The following PPP1R3C variants were observed in gnomAD, a reference collection of about 807,000 sequenced individuals.
PPP1R3C encodes the protein PP1 subunit R5.
In PPP1R3C, 20 loss-of-function variants were observed where a neutral mutation model predicts 29.3. The observed-to-expected ratio is 0.68, with a 90% CI of 0.48 to 0.99. PPP1R3C has a LOEUF of 0.99. Among genes scored for constraint, PPP1R3C ranks in the 50% least tolerant of loss-of-function variants. PPP1R3C has a pLI of 0.00. For synonymous variants in PPP1R3C, 123 were observed against 143.1 expected, an observed-to-expected ratio of 0.86 and a Z score of 1.00; for missense variants, 321 against 386.0, an observed-to-expected ratio of 0.83 and a Z score of 1.41.
rs1199178061 is a variant in PPP1R3C at position 91,629,194 on chromosome 10, A to G, written c.*733T>C. 6.6e-6 allele frequency: 1 copy of G among 152,266 alleles called. No homozygotes were observed. The highest frequency in any genetic ancestry group is 1.5e-5 in the Non-Finnish European group (1 of 68,092). 9.4% of individuals were successfully genotyped at this position (152,266 alleles called of 1,614,324 possible). On this transcript the variant is annotated 3_prime_UTR_variant, in exon 2 of 2. Transcript: ENST00000238994. ...ACCAAGCATTCTATAACAAGAACCC[A>G]AGCCTGACAGTTTGATCACAAAGTC...
rs114198967 is a variant in PPP1R3C at position 91,632,352 on chromosome 10, G to C, written c.14+604C>G. Among the ~76,000 whole-genome samples the C allele has an allele frequency of 3.1e-3, 465 of 151,690 alleles. 1 individual carries two copies. Among genetic ancestry groups the C allele is most frequent in the African/African-American group, 0.01 (427 of 41,432 alleles). ...GAAGTCTTCTGCTAAGCTATGTCTGGAGAAGCTATTTAAAGTAGTTTTATG... is the reference window on the plus strand; with the variant it reads ...GAAGTCTTCTGCTAAGCTATGTCTGCAGAAGCTATTTAAAGTAGTTTTATG... On this transcript the variant is annotated intron_variant, in intron 1 of 1. Transcript: ENST00000238994.
In PPP1R3C at chr10:91,630,738, C is replaced by G; in HGVS notation, c.143G>C (p.Arg48Pro). ...SFLGPYDEFQRRHFVNKLKPL... is the reference protein window; with the variant it reads ...SFLGPYDEFQPRHFVNKLKPL... ...CTTTAATTTATTCACAAAATGTCGT[C>G]GTTGAAATTCATCGTACGGGCCCAG... Residue 48 changes from arginine to proline, a missense_variant, in exon 2 of 2, where the codon CGA becomes CCA. Physicochemically the swap from Arg to Pro is moderately radical, Grantham distance 103. Transcript: ENST00000238994. This position sits in a 1 kb window ranked among gnomAD's most constrained non-coding sequence, Gnocchi z 4.4. 6.2e-7 allele frequency: 1 copy of G among 1,614,126 alleles called. No homozygotes were observed. The highest frequency in any genetic ancestry group is 2.2e-5 in the East Asian group (1 of 44,882).
rs1190693677 is a variant in PPP1R3C at position 91,630,568 on chromosome 10, G to A, written c.313C>T (p.Pro105Ser). ...TGCAGATCCCACGCTGGTTCTTCTG[G>A]GAGGTCGGAGAAGACATGGATCGCA... ...LTAIHVFSDL[P>S]EEPAWDLQFD... The change falls in exon 2 of 2, where the codon CCA (proline) becomes TCA (serine). Residue 105 changes from proline (P) to serine (S), a missense_variant. Transcript: ENST00000238994. This position sits in a 1 kb window ranked among gnomAD's most constrained non-coding sequence, Gnocchi z 4.4. 6.2e-7 allele frequency: 1 copy of A among 1,613,996 alleles called. No individual in the cohort carries two copies.
Position 91,630,865 on chromosome 10 carries a change from T to C in PPP1R3C, c.16A>G (p.Met6Val). MSCTR[M>V]IQVLDPRPLT... ...GGACGTGGATCTAAAACCTGGATCATTCTGGAATGCAAAAAGAAGAGGGAT... is the reference window on the plus strand; with the variant it reads ...GGACGTGGATCTAAAACCTGGATCACTCTGGAATGCAAAAAGAAGAGGGAT... The change falls in exon 2 of 2, where the codon ATG becomes GTG. Residue 6 changes from methionine to valine, a missense_variant and splice_region_variant. Physicochemically the swap from Met to Val is conservative, Grantham distance 21. Transcript: ENST00000238994. The surrounding 1 kb of genome is among the most constrained non-coding windows in gnomAD (Gnocchi z 4.4). 1 of 1,609,134 alleles carries C rather than the reference T, an allele frequency of 6.2e-7. No homozygotes were observed. Among genetic ancestry groups the C allele is most frequent in the Non-Finnish European group, 8.5e-7 (1 of 1,179,300 alleles).
Position 91,633,057 on chromosome 10 carries a change from T to C in PPP1R3C, c.-88A>G. On this transcript the variant is annotated 5_prime_UTR_variant, in exon 1 of 2. Transcript: ENST00000238994. ...GCTCCAGGCCTTGCCCCCGCGGCGG[T>C]CGCTGGGAGAGACTGAGGGCCCGGC... 6.5e-7 allele frequency: 1 copy of C among 1,547,578 alleles called. No homozygotes were observed. Among genetic ancestry groups the C allele is most frequent in the South Asian group, 1.2e-5 (1 of 84,628 alleles).
At chr10:91,632,396 T>C (rs1848726318) in intron 1 of PPP1R3C, among the ~76,000 whole-genome samples, 1 of 151,376 alleles carries the variant, frequency 6.6e-6, no homozygotes, top group Admixed American at 6.6e-5. Flanking sequence ...TTTTTGGTTT[T>C]TTTGTTTTTT....
chr10:91,631,700 G>GTC (rs1848719723), intron 1 of PPP1R3C, among the ~76,000 whole-genome samples: 1 of 152,120 alleles, frequency 6.6e-6, no homozygotes, highest in Non-Finnish European at 1.5e-5. Flanking sequence ...TTCACCTAAA[G>GTC]AGATGCCCAT....
Position 91,630,821 on chromosome 10 carries a change from C to T in PPP1R3C, c.60G>A (p.Met20Ile), listed in dbSNP as rs765370918. Residue 20 changes from methionine to isoleucine, a missense_variant, in exon 2 of 2, where the codon ATG becomes ATA. Physicochemically the swap from Met to Ile is conservative, Grantham distance 10. Transcript: ENST00000238994. This position sits in a 1 kb window ranked among gnomAD's most constrained non-coding sequence, Gnocchi z 4.4. ...LDPRPLTSSVMPVDVAMRLCL... is the reference protein window; with the variant it reads ...LDPRPLTSSVIPVDVAMRLCL... ...AAAGCCTCATGGCCACATCCACGGG[C>T]ATGACCGAACTTGTCAAAGGACGTG... 5 of 1,613,974 alleles carry T rather than the reference C, an allele frequency of 3.1e-6. No individual in the cohort carries two copies. The South Asian group carries it at 4.4e-5, about 14-fold the overall frequency.
rs939443556 is a variant in PPP1R3C at position 91,628,569 on chromosome 10, C to T, written c.*1358G>A. The stretch of plus-strand genomic sequence containing the variant: ...AAATTCTGTCACTGCAGAGTTATTC[C>T]GATAGTACTTTTCCACCATGGCACA... On this transcript the variant is annotated 3_prime_UTR_variant, in exon 2 of 2. Coordinates refer to ENST00000238994, the MANE Select transcript of PPP1R3C (RefSeq NM_005398.7). 3 of 152,130 alleles carry T rather than the reference C, an allele frequency of 2.0e-5. No individual in the cohort carries two copies. Among genetic ancestry groups the T allele is most frequent in the African/African-American group, 7.2e-5 (3 of 41,418 alleles). The allele number at this position is 152,130 out of a possible 1,614,324, so 9.4% of individuals were successfully genotyped here.
At position 91,629,485 on chromosome 10, in the gene PPP1R3C, C is replaced by G. The variant is rs2133483000; in HGVS notation, c.*442G>C. ...AACCAACTTAAAAACACAAAATAACCTTACGTTTTTCCACCAACAATGATC... is the reference window on the plus strand; with the variant it reads ...AACCAACTTAAAAACACAAAATAACGTTACGTTTTTCCACCAACAATGATC... On this transcript the variant is annotated 3_prime_UTR_variant, in exon 2 of 2. Coordinates refer to ENST00000238994, the MANE Select transcript of PPP1R3C (RefSeq NM_005398.7). The G allele has an allele frequency of 6.0e-6, 1 of 167,178 alleles. No homozygotes were observed. Among genetic ancestry groups the G allele is most frequent in the South Asian group, 1.6e-4 (1 of 6,118 alleles). 10.4% of individuals were successfully genotyped at this position (167,178 alleles called of 1,614,324 possible). A position where few individuals can be genotyped will look rare whatever the true frequency, so the allele number is the denominator to read the frequency against.
rs977481420 is a variant in PPP1R3C at position 91,629,830 on chromosome 10, T to C, written c.*97A>G. The C allele has an allele frequency of 1.2e-5, 15 of 1,304,132 alleles. 1 individual carries two copies. The highest frequency in any genetic ancestry group is 6.9e-5 in the East Asian group (3 of 43,308). The allele number at this position is 1,304,132 out of a possible 1,614,324, so 80.8% of individuals were successfully genotyped here. On this transcript the variant is annotated 3_prime_UTR_variant, in exon 2 of 2. Transcript: ENST00000238994. ...CTCAAAAGCTCAAATCTAAACCTAC[T>C]GATGGAGTAGCAAAGGCTTCCTAAA... is the stretch of plus-strand genomic sequence containing the variant.
In PPP1R3C at chr10:91,630,273, T is replaced by C; in HGVS notation, c.608A>G (p.Tyr203Cys). Residue 203 changes from tyrosine to cysteine, a missense_variant, in exon 2 of 2, where the codon TAT (tyrosine) becomes TGT (cysteine). Tyr to Cys is a radical substitution (Grantham distance 194). Transcript: ENST00000238994. This position sits in a 1 kb window ranked among gnomAD's most constrained non-coding sequence, Gnocchi z 4.4. ...WKNYTDVDCV[Y>C]MKNVYGGTDS... ...TGTGCCACCATACACATTTTTCATA[T>C]AGACACAGTCTACGTCAGTGTAGTT... 6.2e-7 allele frequency: 1 copy of C among 1,614,178 alleles called. No homozygotes were observed. The highest frequency in any genetic ancestry group is 8.5e-7 in the Non-Finnish European group (1 of 1,179,970).
Position 91,630,997 on chromosome 10 carries a change from T to C in PPP1R3C, c.15-131A>G, listed in dbSNP as rs1056749571. The C allele has an allele frequency of 5.0e-6, 4 of 797,444 alleles. No individual in the cohort carries two copies. In the African/African-American group the frequency reaches 5.1e-5, roughly 10 times the overall value. 49.4% of individuals were successfully genotyped at this position (797,444 alleles called of 1,614,324 possible). ...ACTAGATATCAGGCAGGTGCTATCATATGTAGTAAAAGAGAACAGTATTAA... is the reference window on the plus strand; with the variant it reads ...ACTAGATATCAGGCAGGTGCTATCACATGTAGTAAAAGAGAACAGTATTAA... On this transcript the variant is annotated intron_variant, in intron 1 of 1. Transcript: ENST00000238994. The surrounding 1 kb of genome is among the most constrained non-coding windows in gnomAD (Gnocchi z 4.4).
At chr10:91,632,608 A>G (rs1848728416) in intron 1 of PPP1R3C, among the ~76,000 whole-genome samples, 1 of 152,122 alleles carries the variant, frequency 6.6e-6, no homozygotes. Context: ...CTAACCAGCA[A>G]TGTCAGAGTG....
rs1209253272 is a variant in PPP1R3C at position 91,629,690 on chromosome 10, T to C, written c.*237A>G. ...AGAAGGGAACTGAAAAAGTATTACC[T>C]TTATAAAAATAGTTTTCAACCTGTT... On this transcript the variant is annotated 3_prime_UTR_variant, in exon 2 of 2. Coordinates refer to ENST00000238994, the MANE Select transcript of PPP1R3C (RefSeq NM_005398.7). 1.8e-6 allele frequency: 1 copy of C among 571,134 alleles called. No individual in the cohort carries two copies. The highest frequency in any genetic ancestry group is 3.0e-5 in the Admixed American group (1 of 33,082). The allele number at this position is 571,134 out of a possible 1,614,324, so 35.4% of individuals were successfully genotyped here.
chr10:91,630,638 G>A lies in PPP1R3C; in HGVS notation c.243C>T (p.Ala81=). The A allele has an allele frequency of 6.2e-7, 1 of 1,611,168 alleles. No homozygotes were observed. The highest frequency in any genetic ancestry group is 1.7e-4 in the Middle Eastern group (1 of 6,052). ...AGTCAGCAAACACAACGCGCTTCTTGGCTTGGTTGTGTGAGCACTTCCAGT... is the reference window on the plus strand; with the variant it reads ...AGTCAGCAAACACAACGCGCTTCTTAGCTTGGTTGTGTGAGCACTTCCAGT... ...QNDWKCSHNQ[A]KKRVVFADSK... Residue 81 remains alanine, a synonymous_variant, in exon 2 of 2, where the codon GCC becomes GCT. Coordinates refer to ENST00000238994, the MANE Select transcript of PPP1R3C (RefSeq NM_005398.7). This position sits in a 1 kb window ranked among gnomAD's most constrained non-coding sequence, Gnocchi z 4.4.
chr10:91,631,824 C>T (rs1193625363), intron 1 of PPP1R3C, among the ~76,000 whole-genome samples: 1 of 151,998 alleles, frequency 6.6e-6, no homozygotes, highest in East Asian at 1.9e-4. Flanking sequence ...GGAAATACAC[C>T]TTTCCTAATA....
chr10:91,629,891 T>C lies in PPP1R3C; in HGVS notation c.*36A>G. Reference sequence around the variant, plus strand: ...ACAGACCTAGGATTGCATGGGGGAATATGACAAGTCAAGACCAGTTACATT... The same window carrying C: ...ACAGACCTAGGATTGCATGGGGGAACATGACAAGTCAAGACCAGTTACATT... On this transcript the variant is annotated 3_prime_UTR_variant, in exon 2 of 2. Coordinates refer to ENST00000238994, the MANE Select transcript of PPP1R3C (RefSeq NM_005398.7). 6.2e-7 allele frequency: 1 copy of C among 1,605,980 alleles called. No individual in the cohort carries two copies. Among genetic ancestry groups the C allele is most frequent in the Non-Finnish European group, 8.5e-7 (1 of 1,173,522 alleles).
Position 91,630,452 on chromosome 10 carries a change from G to C in PPP1R3C, c.429C>G (p.Thr143=). 2 of 1,614,158 alleles carry C rather than the reference G, an allele frequency of 1.2e-6. No individual in the cohort carries two copies. Among genetic ancestry groups the C allele is most frequent in the Non-Finnish European group, 8.5e-7 (1 of 1,180,030 alleles). ...NLILDFPQPS[T]DYLSFRSHFQ... is the part of the protein sequence containing the mutation. ...AGTGGCTCCGGAAACTTAAGTAATC[G>C]GTTGAAGGCTGAGGGAAATCTAAAA... Residue 143 remains threonine (T), a synonymous_variant, in exon 2 of 2, where the codon ACC becomes ACG. Coordinates refer to ENST00000238994, the MANE Select transcript of PPP1R3C (RefSeq NM_005398.7). The surrounding 1 kb of genome is among the most constrained non-coding windows in gnomAD (Gnocchi z 4.4).
Sources: gnomAD v4.1 joint callset for allele counts (sites outside exome capture counted in the v4.1 genomes callset) on GRCh38, gnomAD v4.1.1 for gene constraint, Gnocchi (gnomAD v3.1) non-coding constraint, MANE v1.5 for transcripts, NCBI Gene and HGNC (gene_info 2026-07-23, HGNC 2026-07-21) for gene names.